The following LAMA2 variants were observed in gnomAD, a reference collection of about 807,000 sequenced individuals.
LAMA2 encodes laminin subunit alpha 2, also known as laminin subunit alpha-2.
Under a neutral mutation model 364.8 loss-of-function variants are expected in LAMA2, and 269 were observed. That is an observed-to-expected ratio of 0.74 (90% confidence interval 0.67 to 0.82). The LOEUF (loss-of-function observed/expected upper bound fraction) is 0.82. Ranked by LOEUF, LAMA2 falls within the 40% of genes least tolerant of loss-of-function variation. The pLI is 0.00. For synonymous variants in LAMA2, 1,379 were observed against 1,370.6 expected (o/e 1.01, Z -0.14); for missense variants, 3,807 against 3,873.2 (o/e 0.98, Z 0.45).
chr6:129,088,869 A>G (rs1774607509), intron 3 of LAMA2, among the ~76,000 whole-genome samples: 2 of 146,196 alleles, frequency 1.4e-5, no homozygotes, highest in African/African-American at 5.1e-5. Context: ...ATCCCAGACG[A>G]TGGGCGGCCA....
At chr6:129,234,130 G>A (rs760468455) in intron 12 of LAMA2, among the ~76,000 whole-genome samples, 2 of 152,128 alleles carry the variant, frequency 1.3e-5, no homozygotes, top group Non-Finnish European at 2.9e-5. Flanking sequence ...CTTTGGAGAC[G>A]TAAAGGGAAC....
chr6:129,009,595 A>G (rs902009431), intron 1 of LAMA2, among the ~76,000 whole-genome samples: 2 of 152,238 alleles, frequency 1.3e-5, no homozygotes, highest in African/African-American at 4.8e-5. Flanking sequence ...GTTAGAAGGA[A>G]AAGACTATGA....
chr6:129,126,972 T>TGGGAGGATTGCTTGAGCC (rs1777155435), intron 4 of LAMA2, among the ~76,000 whole-genome samples: 1 of 152,126 alleles, frequency 6.6e-6, no homozygotes, highest in Non-Finnish European at 1.5e-5. Context: ...GAGGTTGAGC[T>TGGGAGGATTGCTTGAGCC]GGGAGGATTG....
Position 129,512,344 on chromosome 6 carries a change from TA to T in LAMA2, c.8858-15del. The T allele has an allele frequency of 6.2e-7, 1 of 1,612,362 alleles. No homozygotes were observed. The highest frequency in any genetic ancestry group is 8.5e-7 in the Non-Finnish European group (1 of 1,178,568). The stretch of plus-strand genomic sequence containing the variant: ...CCCCATCCTCTAATCCAAAATATTT[TA>T]AAATCTTCATTTTACAGTTGGTGGA... On this transcript the variant is annotated intron_variant, in intron 62 of 64. Coordinates refer to ENST00000421865, the MANE Select transcript of LAMA2 (RefSeq NM_000426.4).
At chr6:129,325,637 G>T (rs1775233531) in intron 28 of LAMA2, among the ~76,000 whole-genome samples, 1 of 151,496 alleles carries the variant, frequency 6.6e-6, no homozygotes, top group Non-Finnish European at 1.5e-5. Context: ...AATCCATCAG[G>T]ATACGAAATA....
chr6:129,173,389 A>G (rs970980405), intron 9 of LAMA2, among the ~76,000 whole-genome samples: 7 of 152,174 alleles, frequency 4.6e-5, no homozygotes, highest in Admixed American at 2.0e-4. Flanking sequence ...TATCTTTATC[A>G]TGTTCAAGAG....
rs991560275 is a variant in LAMA2, at chr6:129,165,558, T to C, written c.1207-18T>C. The C allele has an allele frequency of 6.5e-6, 10 of 1,538,362 alleles. No homozygotes were observed. The highest frequency in any genetic ancestry group is 9.0e-6 in the Non-Finnish European group (10 of 1,113,528). On this transcript the variant is annotated intron_variant, in intron 8 of 64. Transcript: ENST00000421865. ...TTTCTATTACACTTCGTTAAATTCATTTTAATATTTTTGTTAGGTATCTCC... is the reference window on the plus strand; with the variant it reads ...TTTCTATTACACTTCGTTAAATTCACTTTAATATTTTTGTTAGGTATCTCC...
At chr6:129,350,320 G>A (rs1211886398) in intron 31 of LAMA2, among the ~76,000 whole-genome samples, 2 of 152,258 alleles carry the variant, frequency 1.3e-5, no homozygotes, top group East Asian at 1.9e-4. Flanking sequence ...ATAATCTCAG[G>A]AATCATTGAT....
At chr6:129,021,784 G>A (rs868424252) in intron 1 of LAMA2, among the ~76,000 whole-genome samples, 6 of 152,192 alleles carry the variant, frequency 3.9e-5, no homozygotes, top group African/African-American at 1.4e-4. Flanking sequence ...AGTCAGAAAA[G>A]CTTGCTGTGT....
intron 4 of LAMA2, among the ~76,000 whole-genome samples, chr6:129,136,603 T>C (rs1777810224): frequency 6.6e-6 from 1 of 151,848 alleles, no homozygotes; most frequent in South Asian, 2.1e-4. Context: ...TTAACTAGTT[T>C]CACTAGCAGA....
At chr6:128,894,835 T>C (rs1776664971) in intron 1 of LAMA2, among the ~76,000 whole-genome samples, 1 of 152,230 alleles carries the variant, frequency 6.6e-6, no homozygotes, top group Admixed American at 6.5e-5. Context: ...TTCCCACCAC[T>C]ATTGCTTTTG....
chr6:129,185,028 T>C, intron 10 of LAMA2, among the ~76,000 whole-genome samples: 1 of 151,878 alleles, frequency 6.6e-6, no homozygotes, highest in Non-Finnish European at 1.5e-5. Flanking sequence ...GATGCATTAG[T>C]CTAAAGGTCA....
rs183184773 is a variant in LAMA2, at chr6:129,487,004, A to G, written c.7898+382A>G. 6.6e-5 allele frequency among the ~76,000 whole-genome samples: 10 copies of G among 152,352 alleles called. No individual in the cohort carries two copies. The East Asian group carries it at 1.9e-3, about 29-fold the overall frequency. ...GAGCCAGCAGGCTTTGGCGGTTTCT[A>G]TCTCATTCAGGTTCCAAAGCAGTTA... is the stretch of plus-strand genomic sequence containing the variant. On this transcript the variant is annotated intron_variant, in intron 56 of 64. Transcript: ENST00000421865.
intron 22 of LAMA2, among the ~76,000 whole-genome samples, chr6:129,303,264 A>T (rs1460254759): frequency 3.9e-5 from 6 of 152,190 alleles, no homozygotes; most frequent in African/African-American, 1.4e-4. Context: ...GAATAGAAAA[A>T]TACAATTATT....
intron 58 of LAMA2, among the ~76,000 whole-genome samples, chr6:129,492,736 G>T (rs1305609855): frequency 1.3e-5 from 2 of 152,114 alleles, no homozygotes; most frequent in African/African-American, 4.8e-5. Flanking sequence ...ATGAATAAAA[G>T]ACACTTATAA....
chr6:129,465,165 G>C lies in LAMA2; in HGVS notation c.7176G>C (p.Glu2392Asp), dbSNP rs763694058. 1.3e-5 allele frequency: 21 copies of C among 1,610,500 alleles called. No homozygotes were observed. Among genetic ancestry groups the C allele is most frequent in the Non-Finnish European group, 1.7e-5 (20 of 1,177,508 alleles). The change falls in exon 51 of 65, where the codon GAG becomes GAC. Residue 2392 changes from glutamate to aspartate, a missense_variant. Glu to Asp is a conservative substitution (Grantham distance 45). Transcript: ENST00000421865. ...AATAGAGAGATTTCATGAGTGTGGA[G>C]CTCACTGATGGGCACATAAAAGTCA... ...TRDLRDFMSV[E>D]LTDGHIKVSY...
At chr6:129,464,584 C>A in intron 50 of LAMA2, 132 bp downstream of exon 50, 1 of 827,502 alleles carries the variant, frequency 1.2e-6, no homozygotes, top group Non-Finnish European at 2.1e-6. Flanking sequence ...GATTGTCTGG[C>A]AGCCAAGAAT....
In LAMA2 at chr6:129,438,756, C is replaced by A. The variant is rs374006928; in HGVS notation, c.6079C>A (p.Pro2027Thr). 3.9e-6 allele frequency: 6 copies of A among 1,520,576 alleles called. No individual in the cohort carries two copies. Among genetic ancestry groups the A allele is most frequent in the Non-Finnish European group, 5.5e-6 (6 of 1,095,156 alleles). 94.2% of individuals were successfully genotyped at this position (1,520,576 alleles called of 1,614,324 possible). A position where few individuals can be genotyped will look rare whatever the true frequency, so the allele number is the denominator to read the frequency against. The change falls in exon 42 of 65, where the codon CCA becomes ACA. Residue 2027 changes from proline (P) to threonine (T), a missense_variant. Coordinates refer to ENST00000421865, the MANE Select transcript of LAMA2 (RefSeq NM_000426.4). ...NDTLGKLSAIPNDTAAKLQAV... is the reference protein window; with the variant it reads ...NDTLGKLSAITNDTAAKLQAV... ...CACTTTGGGAAAGTTATCAGCTATT[C>A]CAAATGGTAAGCATTCAGGACACTA...
chr6:129,018,408 T>G (rs1785208349), intron 1 of LAMA2, among the ~76,000 whole-genome samples: 1 of 151,752 alleles, frequency 6.6e-6, no homozygotes, highest in South Asian at 2.1e-4. Context: ...GAAGAATTAA[T>G]ATGATATATT....
Sources: gnomAD v4.1 joint callset for allele counts (sites outside exome capture counted in the v4.1 genomes callset) on GRCh38, gnomAD v4.1.1 for gene constraint, MANE v1.5 for transcripts, NCBI Gene and HGNC (gene_info 2026-07-23, HGNC 2026-07-21) for gene names.